TTLL8: variants seen among roughly 807,000 people sequenced by gnomAD.
The protein encoded by TTLL8 is protein monoglycylase TTLL8.
TTLL8 carries 65 observed loss-of-function variants against 77.8 expected under a neutral mutation model. The ratio of observed to expected loss-of-function variants is 0.84; its 90% CI spans 0.68 to 1.03. The LOEUF (loss-of-function observed/expected upper bound fraction) is 1.03. Among genes scored for constraint, TTLL8 ranks in the 50% least tolerant of loss-of-function variants. TTLL8 has a pLI of 0.00. For missense variants in TTLL8, 910 were observed against 1,004.5 expected, an observed-to-expected ratio of 0.91 and a Z score of 1.27; for synonymous variants, 402 against 422.8, an observed-to-expected ratio of 0.95 and a Z score of 0.60.
At chr22:50,019,029 C>T (rs962988831) in intron 12 of TTLL8, among the ~76,000 whole-genome samples, 3 of 152,168 alleles carry the variant, frequency 2.0e-5, no homozygotes, top group African/African-American at 7.2e-5. Flanking sequence ...CATTATTAAA[C>T]AGGCTGACAG....
chr22:50,029,029 C>A (rs367795821), intron 12 of TTLL8, among the ~76,000 whole-genome samples: 123 of 18,436 alleles, frequency 6.7e-3, no homozygotes, highest in Middle Eastern at 0.036. Context: ...CCCCACACAC[C>A]CTCGTAAAGA....
chr22:50,029,699 T>C (rs9628275), intron 12 of TTLL8, among the ~76,000 whole-genome samples: 96,239 of 151,834 alleles, frequency 0.63, 30,907 homozygotes, highest in South Asian at 0.73. Context: ...CCACGGCACT[T>C]CAGCCTCAGC....
At chr22:50,057,842 G>A (rs541286754), upstream of TTLL8, among the ~76,000 whole-genome samples, 5 of 151,818 alleles carry the variant, frequency 3.3e-5, no homozygotes, top group African/African-American at 4.8e-5. Context: ...AGGCAGAGGG[G>A]AGTGGACAGC....
chr22:50,027,097 G>C (rs536565289), intron 12 of TTLL8, among the ~76,000 whole-genome samples: 14 of 151,998 alleles, frequency 9.2e-5, no homozygotes, highest in Non-Finnish European at 1.5e-4. Flanking sequence ...TTAGCTGGGC[G>C]TGGTGGTGCG....
intron 12 of TTLL8, among the ~76,000 whole-genome samples, chr22:50,021,701 C>T (rs1601902947): frequency 6.9e-6 from 1 of 144,240 alleles, no homozygotes; most frequent in African/African-American, 2.6e-5. Flanking sequence ...ATGCACTCCT[C>T]CATCTGATGA....
chr22:50,051,614 T>A (rs116777408), intron 1 of TTLL8, among the ~76,000 whole-genome samples: 2,894 of 152,338 alleles, frequency 0.019, 94 homozygotes, highest in African/African-American at 0.066. Flanking sequence ...ATGTCCACGC[T>A]GTTTTCCACA....
rs1390997314 is a variant in TTLL8, at chr22:50,044,043, G to A, written c.643+1212C>T. On this transcript the variant is annotated intron_variant, in intron 6 of 13. Coordinates refer to ENST00000266182, the Ensembl canonical transcript of TTLL8. This position sits in a 1 kb window ranked among gnomAD's most constrained non-coding sequence, Gnocchi z 4.2. ...TCAATTGTGTTAAAATCATTAATTA[G>A]GCCAGGTACGGTGGATCAAGCCTGT... 1.3e-5 allele frequency among the ~76,000 whole-genome samples: 2 copies of A among 152,162 alleles called. No homozygotes were observed. Among genetic ancestry groups the A allele is most frequent in the Non-Finnish European group, 2.9e-5 (2 of 68,026 alleles).
chr22:50,031,540 C>A (rs75080456), intron 11 of TTLL8, 146 bp downstream of exon 12: 3 of 1,182,078 alleles, frequency 2.5e-6, no homozygotes, highest in African/African-American at 1.6e-5. Context: ...TCAGCGGGAC[C>A]GAGCATGGTC....
chr22:50,032,490 C>G (rs1488370474), intron 10 of TTLL8, among the ~76,000 whole-genome samples: 1 of 152,234 alleles, frequency 6.6e-6, no homozygotes, highest in Non-Finnish European at 1.5e-5. Context: ...GCCAGCTCCT[C>G]CCAGGCCTCT....
chr22:50,025,684 C>G (rs112404118), intron 12 of TTLL8, among the ~76,000 whole-genome samples: 3 of 152,098 alleles, frequency 2.0e-5, no homozygotes, highest in Admixed American at 1.3e-4. Flanking sequence ...ATAAAAACCA[C>G]TACAAGTAAC....
At chr22:50,030,432 T>C (rs772990963) in exon 12 of TTLL8, 2 of 1,329,432 alleles carry the variant, frequency 1.5e-6, no homozygotes, top group East Asian at 1.0e-4. Flanking sequence ...CAGGTTACCT[T>C]TTCCTCCGGG....
intron 12 of TTLL8, among the ~76,000 whole-genome samples, chr22:50,026,074 C>G (rs971204865): frequency 2.0e-5 from 3 of 152,244 alleles, no homozygotes; most frequent in African/African-American, 7.2e-5. Context: ...AAGGCCAGAA[C>G]AGGATGATCA....
chr22:50,056,947 A>G, upstream of TTLL8: 5 of 1,289,630 alleles, frequency 3.9e-6, no homozygotes, highest in Non-Finnish European at 5.1e-6. The surrounding 1 kb of genome is among the most constrained non-coding windows in gnomAD (Gnocchi z 4.1). Context: ...CTGGCCTCCG[A>G]CAGCTTGCCC....
chr22:50,021,724 CATCT>C (rs2061201851), intron 12 of TTLL8, among the ~76,000 whole-genome samples: 1 of 146,946 alleles, frequency 6.8e-6, no homozygotes, highest in South Asian at 2.2e-4. Flanking sequence ...TGCACTCCTC[CATCT>C]GACGTGCACT....
At position 50,041,427 on chromosome 22, in the gene TTLL8, A is replaced by C. The variant is rs9617137; in HGVS notation, c.831-150T>G. ...TATCCCAGACATCCAGACAGACACC[A>C]CAATACTCAACAAGCATCCCAGACA... is the stretch of plus-strand genomic sequence containing the variant. On this transcript the variant is annotated intron_variant, in intron 7 of 13. Transcript: ENST00000266182. The surrounding 1 kb of genome is among the most constrained non-coding windows in gnomAD (Gnocchi z 4.3). 0.56 allele frequency: 597,140 copies of C among 1,071,070 alleles called. 168,445 individuals are homozygous for C. Among genetic ancestry groups the C allele is most frequent in the Non-Finnish European group, 0.58 (472,600 of 812,520 alleles). 66.3% of individuals were successfully genotyped at this position (1,071,070 alleles called of 1,614,324 possible).
At chr22:50,049,356 A>C (rs1185266418) in intron 2 of TTLL8, 34 bp from the exon 5 acceptor site, 1 of 1,366,788 alleles carries the variant, frequency 7.3e-7, no homozygotes, top group Non-Finnish European at 9.8e-7. Flanking sequence ...CCTGAACATG[A>C]AGCCTCAGCC....
In TTLL8 at chr22:50,034,774, G is replaced by A. The variant is rs1736287704; in HGVS notation, c.922-312C>T. ...CCCCAAGCAGCACCCTGCCTGGGTG[G>A]AAATGGTGGGATGCACGGGTGGGGG... On this transcript the variant is annotated intron_variant, in intron 8 of 13. Transcript: ENST00000266182. This position sits in a 1 kb window ranked among gnomAD's most constrained non-coding sequence, Gnocchi z 4.1. Among the ~76,000 whole-genome samples, 1 of 151,928 alleles carries A rather than the reference G, an allele frequency of 6.6e-6. No individual in the cohort carries two copies.
At position 50,034,414 on chromosome 22, in the gene TTLL8, T is replaced by C; in HGVS notation, c.970A>G (p.Ile324Val). 7.3e-7 allele frequency: 1 copy of C among 1,367,348 alleles called. No homozygotes were observed. The highest frequency in any genetic ancestry group is 1.5e-5 in the African/African-American group (1 of 67,878). The allele number at this position is 1,367,348 out of a possible 1,614,324, so 84.7% of individuals were successfully genotyped here. The change falls in exon 9 of 14, where the codon ATT becomes GTT. Residue 324 changes from isoleucine to valine, a missense_variant. Physicochemically the swap from Ile to Val is conservative, Grantham distance 29 (BLOSUM62 3). Transcript: ENST00000266182. This position sits in a 1 kb window ranked among gnomAD's most constrained non-coding sequence, Gnocchi z 4.1. ...ATCCAGATGTTCCGGAGCCCGTCAA[T>C]GTCCGTCTGAGGGTTCACAGACGTG...
At chr22:50,045,894 T>C (rs745933139) in exon 5 of TTLL8, 16 of 1,360,584 alleles carry the variant, frequency 1.2e-5, no homozygotes, top group Middle Eastern at 4.2e-4. Flanking sequence ...GCAGAGGCTG[T>C]AGCAGCGTGG....
Sources: gnomAD v4.1 joint callset for allele counts (sites outside exome capture counted in the v4.1 genomes callset) on GRCh38, gnomAD v4.1.1 for gene constraint, Gnocchi (gnomAD v3.1) non-coding constraint, MANE v1.5 for transcripts, NCBI Gene and HGNC (gene_info 2026-07-23, HGNC 2026-07-21) for gene names.